Variants in STK10 observed in about 807,000 individuals in gnomAD.
STK10 encodes the protein serine/threonine kinase 10.
A neutral mutation model predicts 113.8 loss-of-function variants in STK10; 78 were observed. That is an observed-to-expected ratio of 0.69 (90% confidence interval 0.57 to 0.83). STK10 has a LOEUF of 0.83. STK10 is among the 40% of genes least tolerant of loss of function. STK10 has a pLI of 0.00. For missense variants in STK10, 1,109 were observed against 1,280.1 expected (o/e 0.87, Z 2.04); for synonymous variants, 465 against 494.7 (o/e 0.94, Z 0.80).
At chr5:172,154,756 G>A (rs1316431472) in intron 2 of STK10, among the ~76,000 whole-genome samples, 1 of 152,190 alleles carries the variant, frequency 6.6e-6, no homozygotes, top group Non-Finnish European at 1.5e-5. Flanking sequence ...GCTCTACCTG[G>A]TTTTCCAGCT....
At chr5:172,063,062 CAACATGGTGA>C (rs1388270203) in intron 13 of STK10, among the ~76,000 whole-genome samples, 1 of 152,082 alleles carries the variant, frequency 6.6e-6, no homozygotes, top group East Asian at 1.9e-4. Context: ...CCAGCCTGGC[CAACATGGTGA>C]AACCCTAACT....
Position 172,120,401 on chromosome 5 carries a change from C to T in STK10, c.371-2771G>A, listed in dbSNP as rs760408743. On this transcript the variant is annotated intron_variant, in intron 3 of 18. Coordinates refer to ENST00000176763, the MANE Select transcript of STK10 (RefSeq NM_005990.4). This position sits in a 1 kb window ranked among gnomAD's most constrained non-coding sequence, Gnocchi z 4.0. ...CTGCCCTGCTCTGGGAAGCCAGGCC[C>T]CAGACCAGGGCTCCTGGACCAGGGA... is the stretch of plus-strand genomic sequence containing the variant. 4.6e-5 allele frequency among the ~76,000 whole-genome samples: 7 copies of T among 152,184 alleles called. No homozygotes were observed. Among genetic ancestry groups the T allele is most frequent in the Non-Finnish European group, 8.8e-5 (6 of 68,022 alleles).
chr5:172,106,591 C>A, intron 6 of STK10, 29 bp downstream of exon 6: 1 of 1,599,204 alleles, frequency 6.3e-7, no homozygotes, highest in Non-Finnish European at 8.5e-7. Flanking sequence ...GCAGGCACCC[C>A]GGCAGGTGGC....
chr5:172,070,011 G>A (rs1652765722), intron 12 of STK10, among the ~76,000 whole-genome samples: 1 of 152,198 alleles, frequency 6.6e-6, no homozygotes, highest in African/African-American at 2.4e-5. Context: ...ACTTTGGGAG[G>A]CTGAGGCATG....
rs779045626 is a variant in STK10 at position 172,093,466 on chromosome 5, G to C, written c.1500C>G (p.Thr500=). The C allele has an allele frequency of 3.1e-6, 5 of 1,613,934 alleles. No homozygotes were observed. Among genetic ancestry groups the C allele is most frequent in the Non-Finnish European group, 4.2e-6 (5 of 1,179,912 alleles). Reference sequence around the variant, plus strand: ...TCAGCGACAGGTCAGTGGAGAGATTGGTACCATAGTCCATGCTCTCAGAGG... The same window carrying C: ...TCAGCGACAGGTCAGTGGAGAGATTCGTACCATAGTCCATGCTCTCAGAGG... ...LCTSESMDYG[T]NLSTDLSLNK... The change falls in exon 9 of 19, where the codon ACC becomes ACG. Residue 500 remains threonine, a synonymous_variant. Transcript: ENST00000176763. The surrounding 1 kb of genome is among the most constrained non-coding windows in gnomAD (Gnocchi z 4.1).
At chr5:172,052,531 A>G (rs1767649597) in intron 18 of STK10, among the ~76,000 whole-genome samples, 1 of 152,240 alleles carries the variant, frequency 6.6e-6, no homozygotes, top group Non-Finnish European at 1.5e-5. Flanking sequence ...TTCATCACAC[A>G]GCAACAGAAA....
chr5:172,154,947 T>C (rs749570672), intron 2 of STK10, among the ~76,000 whole-genome samples: 1 of 152,184 alleles, frequency 6.6e-6, no homozygotes, highest in East Asian at 1.9e-4. Flanking sequence ...TGCTAGCTAC[T>C]ATAAGTAGTA....
intron 2 of STK10, among the ~76,000 whole-genome samples, chr5:172,134,975 A>C (rs1323963842): frequency 6.6e-6 from 1 of 152,118 alleles, no homozygotes; most frequent in Non-Finnish European, 1.5e-5. Flanking sequence ...ATATTTGCAA[A>C]TCATATATCT....
intron 10 of STK10, among the ~76,000 whole-genome samples, chr5:172,087,561 C>T (rs931022995): frequency 1.1e-4 from 17 of 151,630 alleles, no homozygotes; most frequent in Non-Finnish European, 2.1e-4. Context: ...AGGTGTGAGC[C>T]ACTACACCTG....
In STK10 at chr5:172,061,141, C is replaced by A. The variant is rs763255823; in HGVS notation, c.2210G>T (p.Arg737Leu). 64 of 1,610,248 alleles carry A rather than the reference C, an allele frequency of 4.0e-5. No individual in the cohort carries two copies. In the Admixed American group the frequency reaches 7.4e-4, roughly 19 times the overall value. Reference protein sequence around the residue: ...ECLMKKQELLRDREAALWEME... With the variant: ...ECLMKKQELLLDREAALWEME... ...CGCTGCCACTTGCACACCCCCACCT[C>A]GAAGGAGCTCCTGCTTCTTCATGAG... Residue 737 changes from arginine (R) to leucine (L), a missense_variant and splice_region_variant, in exon 14 of 19, where the codon CGA (arginine) becomes CTA (leucine). Arg to Leu is a moderately radical substitution (Grantham distance 102). This residue lies in a region of STK10 where 885 missense variants were observed against 991.1 expected (regional missense o/e 0.89). Coordinates refer to ENST00000176763, the MANE Select transcript of STK10 (RefSeq NM_005990.4).
chr5:172,052,899 G>T (rs1261314986), intron 18 of STK10, 30 bp downstream of exon 18: 13 of 1,609,196 alleles, frequency 8.1e-6, no homozygotes, highest in Non-Finnish European at 1.0e-5. Flanking sequence ...CAGAGCCCGA[G>T]ACTGAGCCCA....
At position 172,127,424 on chromosome 5, in the gene STK10, G is replaced by A. The variant is rs757346662; in HGVS notation, c.322-3C>T. 3 of 1,613,502 alleles carry A rather than the reference G, an allele frequency of 1.9e-6. No individual in the cohort carries two copies. The highest frequency in any genetic ancestry group is 2.5e-6 in the Non-Finnish European group (3 of 1,179,652). On this transcript the variant is annotated splice_polypyrimidine_tract_variant and splice_region_variant and intron_variant, in intron 2 of 18. Transcript: ENST00000176763. ...CCTGGACAGAACTCAATCATGATCT[G>A]CAGAAAACACAGGGCAAAGTGACAA...
chr5:172,136,453 C>A (rs1769861661), intron 2 of STK10, among the ~76,000 whole-genome samples: 1 of 152,084 alleles, frequency 6.6e-6, no homozygotes, highest in Non-Finnish European at 1.5e-5. Flanking sequence ...AAAACTTAGC[C>A]AGGTGTGGTG....
intron 2 of STK10, among the ~76,000 whole-genome samples, chr5:172,129,826 C>T (rs1046472112): frequency 5.3e-5 from 8 of 152,152 alleles, no homozygotes; most frequent in Admixed American, 3.9e-4. Context: ...ACTAGCTGGG[C>T]GACCTGTGAG....
At position 172,187,875 on chromosome 5, in the gene STK10, C is replaced by T. The variant is rs1489766866; in HGVS notation, c.156+12G>A. 1 of 1,612,190 alleles carries T rather than the reference C, an allele frequency of 6.2e-7. No individual in the cohort carries two copies. Among genetic ancestry groups the T allele is most frequent in the Admixed American group, 1.7e-5 (1 of 59,874 alleles). On this transcript the variant is annotated intron_variant, in intron 1 of 18. Coordinates refer to ENST00000176763, the MANE Select transcript of STK10 (RefSeq NM_005990.4). The surrounding 1 kb of genome is among the most constrained non-coding windows in gnomAD (Gnocchi z 4.6). Reference sequence around the variant, plus strand: ...TCGACGCGCGTCCGGCCACCCACCTCAGCGCCCTCACCTTGTAAACCTTGC... The same window carrying T: ...TCGACGCGCGTCCGGCCACCCACCTTAGCGCCCTCACCTTGTAAACCTTGC...
intron 12 of STK10, among the ~76,000 whole-genome samples, chr5:172,072,765 C>T (rs904204061): frequency 6.6e-6 from 1 of 152,090 alleles, no homozygotes; most frequent in Non-Finnish European, 1.5e-5. Context: ...GAGGCCTTGG[C>T]TAGCACAATA....
chr5:172,067,111 T>G (rs1172502068), intron 12 of STK10, among the ~76,000 whole-genome samples: 1 of 152,230 alleles, frequency 6.6e-6, no homozygotes, highest in East Asian at 1.9e-4. Context: ...CCCAGCACTT[T>G]GGGAGGCTGG....
chr5:172,051,908 C>T (rs906285222), intron 18 of STK10, among the ~76,000 whole-genome samples: 1 of 151,988 alleles, frequency 6.6e-6, no homozygotes, highest in African/African-American at 2.4e-5. Context: ...GACAGGGCTT[C>T]GCAGAGAAAG....
intron 4 of STK10, among the ~76,000 whole-genome samples, chr5:172,112,199 T>C (rs1274288394): frequency 6.6e-6 from 1 of 152,216 alleles, no homozygotes. Flanking sequence ...TGATGAGTCT[T>C]ATAAAATGTG....
Sources: gnomAD v4.1 joint callset for allele counts (sites outside exome capture counted in the v4.1 genomes callset) on GRCh38, gnomAD v4.1.1 for gene constraint, gnomAD v4.1.1 regional missense constraint, Gnocchi (gnomAD v3.1) non-coding constraint, MANE v1.5 for transcripts, NCBI Gene and HGNC (gene_info 2026-07-23, HGNC 2026-07-21) for gene names.